The following COL8A1 variants were observed in gnomAD, a reference collection of about 807,000 sequenced individuals.
COL8A1 encodes the protein collagen type VIII alpha 1 chain, also known as collagen alpha-1(VIII) chain.
A neutral mutation model predicts 42.7 loss-of-function variants in COL8A1; 21 were observed. The observed-to-expected ratio is 0.49, with a 90% CI of 0.35 to 0.71. The LOEUF is 0.71. Ranked by LOEUF, COL8A1 falls within the 30% of genes least tolerant of loss-of-function variation. The pLI is 0.01. For synonymous variants in COL8A1, 367 were observed against 369.1 expected, an observed-to-expected ratio of 0.99 and a Z score of 0.06; for missense variants, 788 against 962.4, an observed-to-expected ratio of 0.82 and a Z score of 2.40.
In COL8A1 at chr3:99,791,006, C is replaced by A. The variant is rs1421536030; in HGVS notation, c.324C>A (p.Gly108=). 2 of 1,609,858 alleles carry A rather than the reference C, an allele frequency of 1.2e-6. No individual in the cohort carries two copies. The highest frequency in any genetic ancestry group is 1.7e-6 in the Non-Finnish European group (2 of 1,176,672). Residue 108 remains glycine, a synonymous_variant, in exon 3 of 4, where the codon GGC becomes GGA. Coordinates refer to ENST00000652472, the MANE Select transcript of COL8A1 (RefSeq NM_020351.4). The part of the protein sequence containing the change: ...RMGKEAVPKK[G]KEIPLASLRG... ...GCAAGGAAGCCGTACCCAAGAAAGG[C>A]AAAGGTAACATCATACTCCCAGGCT...
intron 1 of COL8A1, among the ~76,000 whole-genome samples, chr3:99,667,842 A>G (rs1426996194): frequency 6.6e-6 from 1 of 152,156 alleles, no homozygotes; most frequent in Non-Finnish European, 1.5e-5. Context: ...CCTCTTTCAA[A>G]TAACAAATAT....
In COL8A1 at chr3:99,664,495, A is replaced by C. The variant is rs571536972; in HGVS notation, c.-129+25831A>C. ...CTTAAAGTATAATAAAAAAAAAATA[A>C]AATAAAAAAAAAACTTCAACCTCAA... On this transcript the variant is annotated intron_variant, in intron 1 of 3. Coordinates refer to ENST00000652472, the MANE Select transcript of COL8A1 (RefSeq NM_020351.4). 5.9e-5 allele frequency among the ~76,000 whole-genome samples: 9 copies of C among 152,226 alleles called. No individual in the cohort carries two copies. The South Asian group carries it at 1.9e-3, about 32-fold the overall frequency.
chr3:99,775,662 G>GT (rs1239292082), intron 2 of COL8A1, among the ~76,000 whole-genome samples: 1 of 152,138 alleles, frequency 6.6e-6, no homozygotes, highest in African/African-American at 2.4e-5. Flanking sequence ...TAGGGTTCCT[G>GT]TTACCTTGTA....
chr3:99,774,468 A>G (rs1474222361), intron 2 of COL8A1, among the ~76,000 whole-genome samples: 1 of 152,100 alleles, frequency 6.6e-6, no homozygotes, highest in Admixed American at 6.5e-5. Flanking sequence ...TCAGACTGAT[A>G]TTAAAATAAG....
At chr3:99,747,860 G>A (rs994012624) in intron 2 of COL8A1, among the ~76,000 whole-genome samples, 1 of 152,098 alleles carries the variant, frequency 6.6e-6, no homozygotes, top group Non-Finnish European at 1.5e-5. Flanking sequence ...AAACTAGCTT[G>A]GTATGAATAG....
intron 1 of COL8A1, among the ~76,000 whole-genome samples, chr3:99,743,748 CA>C (rs1204392505): frequency 1.9e-4 from 29 of 152,262 alleles, no homozygotes; most frequent in African/African-American, 6.7e-4. Context: ...TTCATAATTA[CA>C]GAAAGTTTTA....
At chr3:99,754,211 C>T (rs527251316) in intron 2 of COL8A1, among the ~76,000 whole-genome samples, 3 of 152,292 alleles carry the variant, frequency 2.0e-5, no homozygotes, top group South Asian at 2.1e-4. Flanking sequence ...GATTTGGAAT[C>T]ATTTTTCCAC....
rs751269745 is a variant in COL8A1, at chr3:99,759,751, A to G, written c.-4+14730A>G. Among the ~76,000 whole-genome samples, 3 of 152,230 alleles carry G rather than the reference A, an allele frequency of 2.0e-5. 1 individual carries two copies. Among genetic ancestry groups the G allele is most frequent in the South Asian group, 4.1e-4 (2 of 4,834 alleles). On this transcript the variant is annotated intron_variant, in intron 2 of 3. Transcript: ENST00000652472. Reference sequence around the variant, plus strand: ...CAAGCCAGTTGTTTCAACCGTAAAAAGAATAGATAGAACAATTCACTTCAA... The same window carrying G: ...CAAGCCAGTTGTTTCAACCGTAAAAGGAATAGATAGAACAATTCACTTCAA...
intron 1 of COL8A1, among the ~76,000 whole-genome samples, chr3:99,651,091 T>C (rs1462998071): frequency 1.3e-5 from 2 of 152,226 alleles, no homozygotes; most frequent in Non-Finnish European, 2.9e-5. Context: ...TTTTCCTTTA[T>C]TTTAGTGGCT....
At chr3:99,671,398 G>GT (rs1477899456) in intron 1 of COL8A1, among the ~76,000 whole-genome samples, 5 of 151,894 alleles carry the variant, frequency 3.3e-5, no homozygotes, top group Non-Finnish European at 7.4e-5. Flanking sequence ...CCAACATGAT[G>GT]TTTTGATATT....
chr3:99,715,745 G>C (rs1939977366), intron 1 of COL8A1, among the ~76,000 whole-genome samples: 1 of 151,908 alleles, frequency 6.6e-6, no homozygotes, highest in Admixed American at 6.6e-5. Flanking sequence ...AACAAGCAAA[G>C]ACATGGCTTT....
chr3:99,773,454 T>C (rs529055993), intron 2 of COL8A1, among the ~76,000 whole-genome samples: 32 of 152,244 alleles, frequency 2.1e-4, no homozygotes, highest in Non-Finnish European at 3.5e-4. Context: ...ATATGTTTCA[T>C]GAGTAGGACA....
chr3:99,793,821 A>ATG (rs1559638081), intron 3 of COL8A1, among the ~76,000 whole-genome samples: 66 of 151,788 alleles, frequency 4.3e-4, no homozygotes, highest in African/African-American at 1.5e-3. Flanking sequence ...GTGTGATCTC[A>ATG]GCTCACTGCA....
In COL8A1 at chr3:99,794,071, G is replaced by T. The variant is rs1942054215; in HGVS notation, c.329-159G>T. ...CAGGCCTGATTTTTAAGGTCTAGAA[G>T]ATGAGCATATTATTCCTAGTCTTTT... is the stretch of plus-strand genomic sequence containing the variant. On this transcript the variant is annotated intron_variant, in intron 3 of 3. Transcript: ENST00000652472. The surrounding 1 kb of genome is among the most constrained non-coding windows in gnomAD (Gnocchi z 4.3). 6.6e-6 allele frequency among the ~76,000 whole-genome samples: 1 copy of T among 152,196 alleles called. No individual in the cohort carries two copies. The highest frequency in any genetic ancestry group is 2.4e-5 in the African/African-American group (1 of 41,446).
intron 2 of COL8A1, among the ~76,000 whole-genome samples, chr3:99,767,079 T>G (rs1322642889): frequency 1.3e-5 from 2 of 152,186 alleles, no homozygotes; most frequent in Non-Finnish European, 2.9e-5. Flanking sequence ...CAATAATAAG[T>G]GTAGTACTGT....
chr3:99,668,187 G>C (rs1007437674), intron 1 of COL8A1, among the ~76,000 whole-genome samples: 16 of 152,038 alleles, frequency 1.1e-4, no homozygotes, highest in African/African-American at 3.9e-4. Flanking sequence ...AAAACTGTCT[G>C]GCTAAAACAA....
rs916528978 is a variant in COL8A1 at position 99,673,159 on chromosome 3, A to G, written c.-129+34495A>G. ...TTTGACCTACGATTTAGACATGTAG[A>G]CTCTCATTTTTGTGGATTTTTTTTT... On this transcript the variant is annotated intron_variant, in intron 1 of 3. Coordinates refer to ENST00000652472, the MANE Select transcript of COL8A1 (RefSeq NM_020351.4). 2.0e-5 allele frequency among the ~76,000 whole-genome samples: 3 copies of G among 151,638 alleles called. No individual in the cohort carries two copies. The Admixed American group carries it at 2.0e-4, about 10-fold the overall frequency.
intron 1 of COL8A1, among the ~76,000 whole-genome samples, chr3:99,665,303 G>A (rs181046685): frequency 3.2e-4 from 48 of 152,310 alleles, no homozygotes; most frequent in African/African-American, 1.1e-3. Context: ...CACCATGATC[G>A]CTGACTTCTC....
chr3:99,715,665 G>A (rs1939974993), intron 1 of COL8A1, among the ~76,000 whole-genome samples: 2 of 151,940 alleles, frequency 1.3e-5, no homozygotes, highest in South Asian at 4.2e-4. Context: ...AAAATTTGTT[G>A]GAGCCGGAGC....
Sources: gnomAD v4.1 joint callset for allele counts (sites outside exome capture counted in the v4.1 genomes callset) on GRCh38, gnomAD v4.1.1 for gene constraint, Gnocchi (gnomAD v3.1) non-coding constraint, MANE v1.5 for transcripts, NCBI Gene and HGNC (gene_info 2026-07-23, HGNC 2026-07-21) for gene names.